P4HA1: variants seen among roughly 807,000 people sequenced by gnomAD.
P4HA1 encodes the protein prolyl 4-hydroxylase subunit alpha 1, also known as prolyl 4-hydroxylase subunit alpha-1.
P4HA1 carries 24 observed loss-of-function variants against 72.8 expected under a neutral mutation model. The observed-to-expected ratio is 0.33, with a 90% CI of 0.24 to 0.46. The LOEUF is 0.46. P4HA1 is among the 20% of genes least tolerant of loss of function. The probability of loss-of-function intolerance (pLI) is 1.00; values close to 1 mark genes in which losing one functional copy is unlikely to be tolerated. For synonymous variants in P4HA1, 201 were observed against 218.8 expected, an observed-to-expected ratio of 0.92 and a Z score of 0.72; for missense variants, 446 against 640.6, an observed-to-expected ratio of 0.70 and a Z score of 3.28.
chr10:73,059,113 T>A (rs114463770), intron 5 of P4HA1, among the ~76,000 whole-genome samples: 2 of 151,652 alleles, frequency 1.3e-5, no homozygotes, highest in Non-Finnish European at 2.9e-5. Context: ...TGAGAGAATA[T>A]AGGAGTAGAT....
intron 5 of P4HA1, among the ~76,000 whole-genome samples, chr10:73,063,911 T>C (rs1345343040): frequency 6.6e-6 from 1 of 151,704 alleles, no homozygotes; most frequent in Non-Finnish European, 1.5e-5. Context: ...GTTTCCAAAG[T>C]AGAGAACATG....
intron 5 of P4HA1, among the ~76,000 whole-genome samples, chr10:73,064,019 C>T (rs929496122): frequency 2.0e-5 from 3 of 151,960 alleles, no homozygotes; most frequent in Non-Finnish European, 4.4e-5. Context: ...AAAAGCAAAC[C>T]GAGTTTGATG....
intron 7 of P4HA1, among the ~76,000 whole-genome samples, chr10:73,047,340 G>C (rs1266945463): frequency 6.6e-6 from 1 of 151,746 alleles, no homozygotes; most frequent in Non-Finnish European, 1.5e-5. Flanking sequence ...AAGGAGAAAG[G>C]TAGTGTATCT....
At chr10:73,028,737 C>G (rs1010036763) in intron 10 of P4HA1, among the ~76,000 whole-genome samples, 1 of 150,748 alleles carries the variant, frequency 6.6e-6, no homozygotes, top group African/African-American at 2.4e-5. Flanking sequence ...ACCCGGACAA[C>G]AGTTTATTAT....
At chr10:73,082,119 T>C (rs1383186600) in intron 1 of P4HA1, among the ~76,000 whole-genome samples, 1 of 152,222 alleles carries the variant, frequency 6.6e-6, no homozygotes, top group African/African-American at 2.4e-5. Flanking sequence ...TATTATAAAA[T>C]AGGCTTTGTT....
intron 1 of P4HA1, among the ~76,000 whole-genome samples, chr10:73,091,204 AG>A (rs1842024665): frequency 1.3e-5 from 2 of 152,012 alleles, no homozygotes; most frequent in South Asian, 4.1e-4. Context: ...ATAAATAAAA[AG>A]GAGGAAGGTT....
intron 9 of P4HA1, among the ~76,000 whole-genome samples, chr10:73,039,122 A>T (rs1023788135): frequency 2.6e-5 from 4 of 152,234 alleles, no homozygotes; most frequent in East Asian, 1.9e-4. Flanking sequence ...TCTACAAAAT[A>T]AAAAATTAAA....
At chr10:73,069,633 T>C (rs1222060533) in intron 4 of P4HA1, among the ~76,000 whole-genome samples, 1 of 152,132 alleles carries the variant, frequency 6.6e-6, no homozygotes, top group Non-Finnish European at 1.5e-5. Context: ...ATATAAAGTA[T>C]GCAAAAATCA....
At chr10:73,087,479 T>TA (rs1345152578) in intron 1 of P4HA1, among the ~76,000 whole-genome samples, 1 of 152,030 alleles carries the variant, frequency 6.6e-6, no homozygotes, top group Non-Finnish European at 1.5e-5. Context: ...TTGGCCGGGC[T>TA]AGTCTTGAAC....
intron 1 of P4HA1, among the ~76,000 whole-genome samples, chr10:73,093,875 T>TAAA (rs1564640983): frequency 1.2e-3 from 44 of 36,326 alleles, no homozygotes; most frequent in African/African-American, 4.3e-3. Context: ...AAAAAAAAAA[T>TAAA]ATATATATAT....
At chr10:73,087,158 T>G (rs550739352) in intron 1 of P4HA1, among the ~76,000 whole-genome samples, 7,715 of 151,944 alleles carry the variant, frequency 0.051, 594 homozygotes, top group African/African-American at 0.17. Context: ...GTATTGCCGT[T>G]TTTTCCTTAG....
chr10:73,011,221 T>TA (rs1296745383), intron 12 of P4HA1, among the ~76,000 whole-genome samples, 184 bp from the exon 13 acceptor site: 4 of 151,952 alleles, frequency 2.6e-5, no homozygotes, highest in Admixed American at 6.6e-5. Flanking sequence ...TATACATAAG[T>TA]AAAAAAACTA....
intron 5 of P4HA1, among the ~76,000 whole-genome samples, chr10:73,059,048 G>C (rs368138490): frequency 6.6e-6 from 1 of 151,978 alleles, no homozygotes; most frequent in Admixed American, 6.6e-5. Flanking sequence ...AGAGTGCTGG[G>C]ATTACAGGTG....
At chr10:73,089,917 G>A (rs1589633401) in intron 1 of P4HA1, among the ~76,000 whole-genome samples, 1 of 152,158 alleles carries the variant, frequency 6.6e-6, no homozygotes, top group Admixed American at 6.5e-5. Flanking sequence ...GCTCACCGCA[G>A]CCTTAATCTC....
At chr10:73,087,156 GT>G (rs147953271) in intron 1 of P4HA1, among the ~76,000 whole-genome samples, 7,710 of 151,324 alleles carry the variant, frequency 0.051, 592 homozygotes, top group African/African-American at 0.17. Flanking sequence ...TTGTATTGCC[GT>G]TTTTTCCTTA....
At chr10:73,069,434 C>T (rs1407086915) in intron 4 of P4HA1, among the ~76,000 whole-genome samples, 1 of 151,966 alleles carries the variant, frequency 6.6e-6, no homozygotes, top group African/African-American at 2.4e-5. Context: ...CCATGTATTA[C>T]ACATTATATA....
chr10:73,061,890 G>A (rs117483736), intron 5 of P4HA1, among the ~76,000 whole-genome samples: 16 of 151,744 alleles, frequency 1.1e-4, no homozygotes, highest in African/African-American at 2.7e-4. Flanking sequence ...GTGGTGGCAC[G>A]CACCTATAGT....
intron 1 of P4HA1, among the ~76,000 whole-genome samples, chr10:73,078,068 C>CA (rs61030339): frequency 0.095 from 5,638 of 59,242 alleles, 365 homozygotes; most frequent in African/African-American, 0.21. Context: ...GCTTATGTGT[C>CA]AAAAAAAAAA....
At position 73,095,522 on chromosome 10, in the gene P4HA1, TAAAAAAA is replaced by T. The variant is rs3065972; in HGVS notation, c.-33+1237_-33+1243del. Among the ~76,000 whole-genome samples, 8 of 133,524 alleles carry T rather than the reference TAAAAAAA, an allele frequency of 6.0e-5. No individual in the cohort carries two copies. The South Asian group carries it at 1.4e-3, about 23-fold the overall frequency. 87.6% of individuals were successfully genotyped at this position (133,524 alleles called of 152,430 possible). On this transcript the variant is annotated intron_variant, in intron 1 of 14. Transcript: ENST00000394890. ...GGAAATACGTTTCTAACCAGAACTT[TAAAAAAA>T]AAAAAAAAAAAGAGTAAAAAATTGA... is the stretch of plus-strand genomic sequence containing the variant.
Sources: allele counts gnomAD v4.1 joint callset (sites outside exome capture counted in the v4.1 genomes callset), GRCh38; gene constraint gnomAD v4.1.1; transcripts MANE v1.5; gene names NCBI Gene and HGNC (gene_info 2026-07-23, HGNC 2026-07-21).